The following DNAJC2 variants were observed in gnomAD, a reference collection of about 807,000 sequenced individuals.
DNAJC2 encodes the protein dnaJ homolog subfamily C member 2.
A neutral mutation model predicts 94.0 loss-of-function variants in DNAJC2; 32 were observed. The ratio of observed to expected loss-of-function variants is 0.34; its 90% CI spans 0.26 to 0.46. The LOEUF (loss-of-function observed/expected upper bound fraction) is 0.46, where lower values mean the gene tolerates loss of function less well. Among genes scored for constraint, DNAJC2 ranks in the 20% least tolerant of loss-of-function variants. The pLI, the probability that DNAJC2 is intolerant of heterozygous loss-of-function variation, is 1.00. For missense variants in DNAJC2, 550 were observed against 719.5 expected (o/e 0.76, Z 2.69); for synonymous variants, 210 against 229.7 (o/e 0.91, Z 0.77).
At chr7:103,344,457 G>T (rs1819518926) in intron 1 of DNAJC2, 102 bp downstream of exon 1, 8 of 1,369,556 alleles carry the variant, frequency 5.8e-6, no homozygotes, top group African/African-American at 1.4e-5. Flanking sequence ...CCCGGGGCTA[G>T]TCGCCAGGGT....
chr7:103,342,573 G>T (rs12705116), intron 1 of DNAJC2, among the ~76,000 whole-genome samples: 15,447 of 151,240 alleles, frequency 0.1, 1,049 homozygotes, highest in Non-Finnish European at 0.16. Flanking sequence ...CCAAAGTGTT[G>T]GCATTACAGG....
chr7:103,342,607 A>G (rs1490540024), intron 1 of DNAJC2, among the ~76,000 whole-genome samples: 1 of 144,944 alleles, frequency 6.9e-6, no homozygotes, highest in African/African-American at 2.6e-5. Flanking sequence ...ACCCACCTGG[A>G]CAATTTTTTT....
chr7:103,341,978 G>A (rs1333497851), intron 1 of DNAJC2, 24 bp from the exon 2 acceptor site: 1 of 1,512,066 alleles, frequency 6.6e-7, no homozygotes, highest in Admixed American at 2.3e-5. Flanking sequence ...TGTTAAGAGA[G>A]GCTTCAGTGT....
intron 12 of DNAJC2, among the ~76,000 whole-genome samples, chr7:103,319,254 T>A (rs968207795): frequency 2.6e-5 from 4 of 152,100 alleles, no homozygotes; most frequent in African/African-American, 9.7e-5. Context: ...CTGACCAACA[T>A]GGTGAAACCC....
intron 12 of DNAJC2, chr7:103,317,385 C>T (rs1818128473): frequency 1.1e-5 from 2 of 183,156 alleles, no homozygotes; most frequent in African/African-American, 4.7e-5. Flanking sequence ...CATTTATTCT[C>T]TACCAAAAGG....
At chr7:103,314,478 CTG>C in intron 15 of DNAJC2, 1 of 985,384 alleles carries the variant, frequency 1.0e-6, no homozygotes, top group Non-Finnish European at 1.2e-6. Flanking sequence ...AGAAAGCAGA[CTG>C]GACAAATATC....
intron 5 of DNAJC2, 156 bp from the exon 6 acceptor site, chr7:103,324,718 G>C (rs1818610354): frequency 1.4e-6 from 1 of 689,836 alleles, no homozygotes; most frequent in Non-Finnish European, 2.1e-6. Context: ...TGGAAGGTCA[G>C]CAGTGGGGCA....
At chr7:103,344,357 A>G in intron 1 of DNAJC2, 2 of 601,450 alleles carry the variant, frequency 3.3e-6, no homozygotes, top group Non-Finnish European at 5.9e-6. Flanking sequence ...GAGCAAAAGG[A>G]AGGCACCCCT....
rs1251364684 is a variant in DNAJC2, at chr7:103,337,829, A to G, written c.256-18T>C. The G allele has an allele frequency of 1.9e-6, 3 of 1,599,364 alleles. No individual in the cohort carries two copies. Among genetic ancestry groups the G allele is most frequent in the Non-Finnish European group, 2.6e-6 (3 of 1,169,794 alleles). On this transcript the variant is annotated intron_variant, in intron 2 of 16. Coordinates refer to ENST00000379263, the MANE Select transcript of DNAJC2 (RefSeq NM_014377.3). Reference sequence around the variant, plus strand: ...TCTTGGTTCTGGAAAAAAAACACAAAAGGGAGTCAAATTTGAAATGAAGCC... The same window carrying G: ...TCTTGGTTCTGGAAAAAAAACACAAGAGGGAGTCAAATTTGAAATGAAGCC...
At chr7:103,318,660 T>C (rs1474186327) in intron 12 of DNAJC2, among the ~76,000 whole-genome samples, 1 of 152,226 alleles carries the variant, frequency 6.6e-6, no homozygotes, top group Non-Finnish European at 1.5e-5. Context: ...TAGGTACTAA[T>C]ACTTGTTGAA....
rs934745053 is a variant in DNAJC2, at chr7:103,314,499, C to T, written c.1636+1265G>A. 10 of 985,264 alleles carry T rather than the reference C, an allele frequency of 1.0e-5. No individual in the cohort carries two copies. The African/African-American group carries it at 1.0e-4, about 10-fold the overall frequency. The allele number at this position is 985,264 out of a possible 1,614,324, so 61.0% of individuals were successfully genotyped here. A position where few individuals can be genotyped will look rare whatever the true frequency, so the allele number is the denominator to read the frequency against. On this transcript the variant is annotated intron_variant, in intron 15 of 16. Coordinates refer to ENST00000379263, the MANE Select transcript of DNAJC2 (RefSeq NM_014377.3). ...CAGACTGGACAAATATCAGGGCCCA[C>T]CTCCCTCCAACATGGAAACAAGTCC...
chr7:103,321,613 C>T (rs937843823), intron 10 of DNAJC2, among the ~76,000 whole-genome samples: 33 of 151,556 alleles, frequency 2.2e-4, no homozygotes, highest in African/African-American at 8.0e-4. Flanking sequence ...TTTGGGAGGC[C>T]AAGGCGGGGA....
At chr7:103,338,961 T>C (rs1303546077) in intron 2 of DNAJC2, among the ~76,000 whole-genome samples, 2 of 152,104 alleles carry the variant, frequency 1.3e-5, no homozygotes, top group Non-Finnish European at 2.9e-5. Context: ...ATGTGGACTA[T>C]TATACAGCCT....
At chr7:103,327,298 T>C in intron 4 of DNAJC2, 1 of 1,136,018 alleles carries the variant, frequency 8.8e-7, no homozygotes. Context: ...AAAAAAAAAA[T>C]CTTAGTATTC....
chr7:103,343,994 TAAA>T (rs1367191051), intron 1 of DNAJC2, among the ~76,000 whole-genome samples: 1 of 152,204 alleles, frequency 6.6e-6, no homozygotes, highest in Non-Finnish European at 1.5e-5. Context: ...GCCATAAAAC[TAAA>T]ACCTACAGCA....
rs1819530946 is a variant in DNAJC2 at position 103,344,627 on chromosome 7, G to T, written c.-5C>A. ...GGCGCTTGGCAGAAGCAGCATGATGGCGCCGGGTCTAGCCCGGTGGGCGCA... is the reference window on the plus strand; with the variant it reads ...GGCGCTTGGCAGAAGCAGCATGATGTCGCCGGGTCTAGCCCGGTGGGCGCA... On this transcript the variant is annotated 5_prime_UTR_variant, in exon 1 of 17. Coordinates refer to ENST00000379263, the MANE Select transcript of DNAJC2 (RefSeq NM_014377.3). 6.2e-7 allele frequency: 1 copy of T among 1,609,706 alleles called. No individual in the cohort carries two copies.
intron 3 of DNAJC2, among the ~76,000 whole-genome samples, chr7:103,331,201 G>A (rs986763157): frequency 4.6e-5 from 7 of 151,978 alleles, no homozygotes; most frequent in Admixed American, 6.6e-5. Context: ...CAAGTGATCC[G>A]CCTGCCTCGG....
intron 3 of DNAJC2, among the ~76,000 whole-genome samples, chr7:103,329,806 G>A (rs1029708549): frequency 4.6e-5 from 7 of 152,036 alleles, no homozygotes; most frequent in Non-Finnish European, 8.8e-5. Flanking sequence ...TGTAATTTTT[G>A]CTTATTTGTC....
Position 103,312,527 on chromosome 7 carries a change from A to C in DNAJC2, c.*42T>G. 6.3e-7 allele frequency: 1 copy of C among 1,592,990 alleles called. No individual in the cohort carries two copies. The highest frequency in any genetic ancestry group is 1.2e-5 in the South Asian group (1 of 86,374). Reference sequence around the variant, plus strand: ...TTTTAAGAATGAAAATGTTTACAGTATTTTCAGTTTTATTATAAAAATGCA... The same window carrying C: ...TTTTAAGAATGAAAATGTTTACAGTCTTTTCAGTTTTATTATAAAAATGCA... On this transcript the variant is annotated 3_prime_UTR_variant, in exon 17 of 17. Transcript: ENST00000379263.
Sources: allele counts gnomAD v4.1 joint callset (sites outside exome capture counted in the v4.1 genomes callset), GRCh38; gene constraint gnomAD v4.1.1; transcripts MANE v1.5; gene names NCBI Gene and HGNC (gene_info 2026-07-23, HGNC 2026-07-21).